SCFD1: variants seen among roughly 807,000 people sequenced by gnomAD.
SCFD1 encodes the protein sec1 family domain containing 1.
SCFD1 carries 37 observed loss-of-function variants against 103.2 expected under a neutral mutation model. That is an observed-to-expected ratio of 0.36 (90% confidence interval 0.28 to 0.47). SCFD1 has a LOEUF of 0.47. Ranked by LOEUF, SCFD1 falls within the 20% of genes least tolerant of loss-of-function variation. SCFD1 has a pLI of 1.00. For synonymous variants in SCFD1, 264 were observed against 245.0 expected, an observed-to-expected ratio of 1.08 and a Z score of -0.73; for missense variants, 639 against 761.2, an observed-to-expected ratio of 0.84 and a Z score of 1.89.
intron 23 of SCFD1, among the ~76,000 whole-genome samples, chr14:30,729,051 C>T (rs1358182787): frequency 1.3e-5 from 2 of 152,026 alleles, no homozygotes; most frequent in African/African-American, 2.4e-5. Flanking sequence ...TGAACCACCA[C>T]GCCTGGCCCC....
chr14:30,637,658 CTT>C (rs1180011097), intron 4 of SCFD1, among the ~76,000 whole-genome samples: 1 of 152,118 alleles, frequency 6.6e-6, no homozygotes, highest in Admixed American at 6.5e-5. Context: ...ATTTGCATAA[CTT>C]AAATTGCACT....
chr14:30,638,350 C>A, intron 5 of SCFD1, 103 bp downstream of exon 5: 1 of 1,514,782 alleles, frequency 6.6e-7, no homozygotes, highest in Non-Finnish European at 9.0e-7. Flanking sequence ...ATGACCAGAA[C>A]AACAGAATTG....
At chr14:30,627,745 GA>G (rs11312585) in intron 1 of SCFD1, among the ~76,000 whole-genome samples, 40,730 of 79,724 alleles carry the variant, frequency 0.51, 8,085 homozygotes, top group East Asian at 0.69. Context: ...CTCTGTCTCA[GA>G]AAAAAAAAAA....
At chr14:30,674,053 A>G in intron 13 of SCFD1, 56 bp downstream of exon 13, 1 of 1,244,522 alleles carries the variant, frequency 8.0e-7, no homozygotes, top group South Asian at 1.3e-5. Flanking sequence ...TTTTTTTTTT[A>G]TTTAACTAAA....
intron 1 of SCFD1, among the ~76,000 whole-genome samples, chr14:30,626,792 C>G (rs1006172749): frequency 6.6e-6 from 1 of 152,018 alleles, no homozygotes; most frequent in Non-Finnish European, 1.5e-5. Context: ...AATAAGGGTT[C>G]GGCACAACAG....
chr14:30,652,372 G>A (rs1886480507), intron 9 of SCFD1: 1 of 151,952 alleles, frequency 6.6e-6, no homozygotes, highest in Admixed American at 6.6e-5. Context: ...CAGTACATGA[G>A]GTATCATATG....
chr14:30,664,039 G>C (rs964656025), intron 10 of SCFD1, among the ~76,000 whole-genome samples: 2 of 152,132 alleles, frequency 1.3e-5, no homozygotes, highest in African/African-American at 2.4e-5. Flanking sequence ...TCCTAGCATG[G>C]TGTTTGAGCT....
chr14:30,630,638 C>T, intron 3 of SCFD1, 73 bp downstream of exon 3: 1 of 926,516 alleles, frequency 1.1e-6, no homozygotes, highest in East Asian at 2.5e-5. Flanking sequence ...TGTTAGGTTA[C>T]AGTATTTATG....
chr14:30,660,591 C>A (rs541968878), intron 10 of SCFD1, among the ~76,000 whole-genome samples: 1 of 152,106 alleles, frequency 6.6e-6, no homozygotes, highest in South Asian at 2.1e-4. Flanking sequence ...CCTCCTCCAT[C>A]TTTTTAGCCA....
intron 19 of SCFD1, among the ~76,000 whole-genome samples, chr14:30,710,333 A>T (rs1410768406): frequency 1.8e-5 from 1 of 55,372 alleles, no homozygotes; most frequent in Non-Finnish European, 2.7e-5. Flanking sequence ...CCATGTCATT[A>T]AAAAAAAAAA....
intron 10 of SCFD1, chr14:30,653,994 A>T (rs1040662902): frequency 6.5e-6 from 1 of 153,716 alleles, no homozygotes; most frequent in African/African-American, 2.4e-5. Flanking sequence ...AAAAAAAAAT[A>T]GTATTTTTTA....
chr14:30,629,791 T>C (rs1194328591), intron 2 of SCFD1, among the ~76,000 whole-genome samples: 2 of 152,130 alleles, frequency 1.3e-5, no homozygotes, highest in Non-Finnish European at 2.9e-5. Context: ...TTGGCCAGGA[T>C]GGTCTCTATC....
chr14:30,650,538 G>A (rs760292129), intron 8 of SCFD1, 27 bp from the exon 9 acceptor site: 2 of 1,288,964 alleles, frequency 1.6e-6, no homozygotes, highest in Non-Finnish European at 2.3e-6. Context: ...AAACTGTTAA[G>A]AGTTAATCTA....
chr14:30,637,365 A>G (rs778685459), intron 4 of SCFD1, among the ~76,000 whole-genome samples: 1 of 152,048 alleles, frequency 6.6e-6, no homozygotes, highest in Non-Finnish European at 1.5e-5. Context: ...TTATTTCTCA[A>G]TCCTCATACA....
At chr14:30,735,305 GAC>G (rs1284393543) in intron 24 of SCFD1, among the ~76,000 whole-genome samples, 1 of 151,980 alleles carries the variant, frequency 6.6e-6, no homozygotes, top group East Asian at 1.9e-4. Flanking sequence ...TCTTGGTAGA[GAC>G]AGTCTCTTGC....
chr14:30,678,374 A>G (rs560714609), intron 14 of SCFD1, among the ~76,000 whole-genome samples: 1 of 152,298 alleles, frequency 6.6e-6, no homozygotes, highest in South Asian at 2.1e-4. Flanking sequence ...TAACTTTAAG[A>G]AACATTTTCA....
chr14:30,630,662 T>C (rs866969141), intron 3 of SCFD1, 97 bp downstream of exon 3: 3 of 729,684 alleles, frequency 4.1e-6, no homozygotes, highest in Non-Finnish European at 7.0e-6. Context: ...TATTGAACAT[T>C]TTTTCCCTGT....
intron 10 of SCFD1, among the ~76,000 whole-genome samples, chr14:30,664,002 T>C (rs1887681576): frequency 6.6e-6 from 1 of 152,198 alleles, no homozygotes; most frequent in Non-Finnish European, 1.5e-5. Flanking sequence ...CGTCCCTGTC[T>C]GACAGCTCTG....
At chr14:30,684,831 CTA>C (rs1185209826) in intron 14 of SCFD1, among the ~76,000 whole-genome samples, 1 of 68,282 alleles carries the variant, frequency 1.5e-5, no homozygotes, top group Non-Finnish European at 2.4e-5. Flanking sequence ...TTATTATACT[CTA>C]AGTTTTAGGG....
Sources: allele counts gnomAD v4.1 joint callset (sites outside exome capture counted in the v4.1 genomes callset), GRCh38; gene constraint gnomAD v4.1.1; transcripts MANE v1.5; gene names NCBI Gene and HGNC (gene_info 2026-07-23, HGNC 2026-07-21).